Variants in CLVS1 observed in about 807,000 individuals in gnomAD.
The protein encoded by CLVS1 is clavesin-1.
CLVS1 carries 10 observed loss-of-function variants against 33.1 expected under a neutral mutation model. That is an observed-to-expected ratio of 0.30 (90% CI 0.19 to 0.51). CLVS1 has a LOEUF of 0.51. Among genes scored for constraint, CLVS1 ranks in the 20% least tolerant of loss-of-function variants. The pLI, the probability that CLVS1 is intolerant of heterozygous loss-of-function variation, is 0.97. For missense variants in CLVS1, 343 were observed against 433.4 expected (o/e 0.79, Z 1.85); for synonymous variants, 163 against 166.1 (o/e 0.98, Z 0.14).
intron 3 of CLVS1, among the ~76,000 whole-genome samples, chr8:61,434,601 G>A (rs1816245053): frequency 6.6e-6 from 1 of 152,168 alleles, no homozygotes; most frequent in African/African-American, 2.4e-5. Context: ...ACTCAAAGAG[G>A]GGGGCTTCCA....
At chr8:61,251,174 A>G (rs1338790363) in intron 2 of CLVS1, among the ~76,000 whole-genome samples, 1 of 152,098 alleles carries the variant, frequency 6.6e-6, no homozygotes, top group African/African-American at 2.4e-5. Context: ...TGAGATAATC[A>G]TGTGGTTTTT....
the CLVS1 span, among the ~76,000 whole-genome samples, chr8:61,021,826 A>G: frequency 6.6e-6 from 1 of 152,296 alleles, no homozygotes; most frequent in African/African-American, 2.4e-5. Flanking sequence ...CCTGTCACCC[A>G]AGTAGTGAGT....
intron 1 of CLVS1, among the ~76,000 whole-genome samples, chr8:61,067,768 A>G (rs1009488261): frequency 6.6e-6 from 1 of 152,054 alleles, no homozygotes. Context: ...TGGAAGCTAA[A>G]CTTTGGGTAC....
chr8:61,478,272 G>C (rs1217682966), intron 5 of CLVS1, among the ~76,000 whole-genome samples: 1 of 152,200 alleles, frequency 6.6e-6, no homozygotes, highest in Non-Finnish European at 1.5e-5. Flanking sequence ...GTGGTGTGGT[G>C]CTGAGAAGAA....
At chr8:61,313,087 C>T (rs535060178) in intron 2 of CLVS1, among the ~76,000 whole-genome samples, 1 of 152,284 alleles carries the variant, frequency 6.6e-6, no homozygotes, top group South Asian at 2.1e-4. Flanking sequence ...TTCGCGTATA[C>T]AGTTCCTCCC....
At chr8:61,316,624 A>G (rs956343477) in intron 2 of CLVS1, among the ~76,000 whole-genome samples, 2 of 152,238 alleles carry the variant, frequency 1.3e-5, no homozygotes, top group African/African-American at 2.4e-5. Flanking sequence ...AAGTGTAAGG[A>G]CATTAAAAAT....
chr8:61,319,557 A>G (rs1376388698), intron 2 of CLVS1, among the ~76,000 whole-genome samples: 1 of 152,114 alleles, frequency 6.6e-6, no homozygotes, highest in African/African-American at 2.4e-5. Flanking sequence ...TCACTATGGA[A>G]GTGTTAAAGC....
At chr8:61,086,448 T>C (rs879452798) in intron 1 of CLVS1, among the ~76,000 whole-genome samples, 2 of 152,210 alleles carry the variant, frequency 1.3e-5, no homozygotes, top group Admixed American at 1.3e-4. Context: ...TTTCCAAATA[T>C]TGCAAAGAAC....
At chr8:61,330,086 G>A (rs1355355394) in intron 2 of CLVS1, among the ~76,000 whole-genome samples, 1 of 152,072 alleles carries the variant, frequency 6.6e-6, no homozygotes, top group African/African-American at 2.4e-5. Flanking sequence ...TTGAAACCCA[G>A]GACCCCAGAA....
In CLVS1 at chr8:61,499,456, T is replaced by A. The variant is rs746468729; in HGVS notation, c.979T>A (p.Ser327Thr). The change falls in exon 6 of 6, where the codon TCT becomes ACT. Residue 327 changes from serine (S) to threonine (T), a missense_variant and splice_region_variant. Ser to Thr is a moderately conservative substitution (Grantham distance 58). Transcript: ENST00000325897. ...TCTTTTTCCCTCCCCTCTTGTTAGA[T>A]CTCAGTCTGTGGTAGAAGCTGGGAC... The part of the protein sequence containing the change: ...RECSPKLMKR[S>T]QSVVEAGTLK... 3.7e-6 allele frequency: 6 copies of A among 1,610,632 alleles called. No individual in the cohort carries two copies. The highest frequency in any genetic ancestry group is 5.1e-6 in the Non-Finnish European group (6 of 1,176,886).
chr8:61,238,776 A>C (rs1006499505), intron 2 of CLVS1, among the ~76,000 whole-genome samples: 5 of 152,340 alleles, frequency 3.3e-5, no homozygotes, highest in African/African-American at 1.2e-4. Flanking sequence ...AAATGAAGAT[A>C]ATTTATTTAA....
chr8:61,202,487 C>T (rs890633638), intron 2 of CLVS1: 24 of 903,166 alleles, frequency 2.7e-5, no homozygotes, highest in African/African-American at 8.1e-5. Flanking sequence ...TCTTTAAGAA[C>T]GGTCAGTTTA....
intron 2 of CLVS1, among the ~76,000 whole-genome samples, chr8:61,352,569 T>C (rs1208234736): frequency 6.6e-6 from 1 of 151,946 alleles, no homozygotes. Flanking sequence ...TAAAAAGATA[T>C]ATCATGCAAA....
At chr8:61,338,871 G>T (rs771872144) in intron 2 of CLVS1, among the ~76,000 whole-genome samples, 9 of 152,150 alleles carry the variant, frequency 5.9e-5, no homozygotes, top group Non-Finnish European at 8.8e-5. Flanking sequence ...TGCTTGCAGG[G>T]GAGCTCAGGC....
At chr8:61,432,734 C>G (rs1252524011) in intron 3 of CLVS1, among the ~76,000 whole-genome samples, 2 of 152,172 alleles carry the variant, frequency 1.3e-5, no homozygotes. Context: ...ATACTTGACT[C>G]AGTAGTTTGA....
chr8:60,973,628 A>G, the CLVS1 span, among the ~76,000 whole-genome samples: 1 of 152,254 alleles, frequency 6.6e-6, no homozygotes, highest in Non-Finnish European at 1.5e-5. Context: ...CCAAGGGAGC[A>G]TCTTGCAGGT....
At chr8:61,202,475 T>C in intron 2 of CLVS1, 1 of 840,020 alleles carries the variant, frequency 1.2e-6, no homozygotes, top group South Asian at 1.3e-5. Context: ...GAGCGCCAGT[T>C]GTCTTTAAGA....
chr8:61,329,249 A>G (rs76933474), intron 2 of CLVS1, among the ~76,000 whole-genome samples: 2,907 of 151,596 alleles, frequency 0.019, 104 homozygotes, highest in African/African-American at 0.066. Flanking sequence ...CTCATGGGCA[A>G]ATAATTTTCA....
the CLVS1 span, among the ~76,000 whole-genome samples, chr8:61,024,470 T>A: frequency 6.6e-6 from 1 of 152,240 alleles, no homozygotes; most frequent in African/African-American, 2.4e-5. Context: ...AGAAGTTTGC[T>A]CACATTTTCA....
Sources: allele counts gnomAD v4.1 joint callset (sites outside exome capture counted in the v4.1 genomes callset), GRCh38; gene constraint gnomAD v4.1.1; transcripts MANE v1.5; gene names NCBI Gene and HGNC (gene_info 2026-07-23, HGNC 2026-07-21).